The following DPYSL2 variants were observed in gnomAD, a reference collection of about 807,000 sequenced individuals.
The protein encoded by DPYSL2 is dihydropyrimidinase-related protein 2.
A neutral mutation model predicts 69.9 loss-of-function variants in DPYSL2; 13 were observed. The ratio of observed to expected loss-of-function variants is 0.19; its 90% CI spans 0.12 to 0.30. The LOEUF (loss-of-function observed/expected upper bound fraction) is 0.30, where lower values mean the gene tolerates loss of function less well. Among genes scored for constraint, DPYSL2 ranks in the 10% least tolerant of loss-of-function variants. DPYSL2 has a pLI of 1.00. For missense variants in DPYSL2, 587 were observed against 918.9 expected (o/e 0.64, Z 4.67); for synonymous variants, 326 against 359.1 (o/e 0.91, Z 1.04).
rs926386748 is a variant in DPYSL2, at chr8:26,614,674, A to C, written c.629-9469A>C. Among the ~76,000 whole-genome samples the C allele has an allele frequency of 1.3e-5, 2 of 152,206 alleles. No homozygotes were observed. Among genetic ancestry groups the C allele is most frequent in the African/African-American group, 4.8e-5 (2 of 41,444 alleles). On this transcript the variant is annotated intron_variant, in intron 3 of 13. Transcript: ENST00000521913. This position sits in a 1 kb window ranked among gnomAD's most constrained non-coding sequence, Gnocchi z 4.9. The stretch of plus-strand genomic sequence containing the variant: ...CTAGCAGGGCTTCTAGATGCTGAAC[A>C]ATGACCGATGGTGCCACTTGATTTA...
chr8:26,634,131 C>T (rs937531326), intron 7 of DPYSL2, among the ~76,000 whole-genome samples: 1 of 152,248 alleles, frequency 6.6e-6, no homozygotes, highest in Admixed American at 6.5e-5. Context: ...TGCTGGGTCC[C>T]GCCCTCAGAG....
chr8:26,636,244 C>T (rs1436048265), intron 8 of DPYSL2, among the ~76,000 whole-genome samples: 1 of 152,182 alleles, frequency 6.6e-6, no homozygotes, highest in Non-Finnish European at 1.5e-5. Context: ...TTGTGGATGA[C>T]GATGGAATCG....
chr8:26,584,014 C>T, intron 3 of DPYSL2, 31 bp downstream of exon 3: 1 of 1,587,746 alleles, frequency 6.3e-7, no homozygotes, highest in Non-Finnish European at 8.6e-7. Context: ...CATTGTAGTG[C>T]TTAGGAAGTG....
Position 26,553,760 on chromosome 8 carries a change from G to A in DPYSL2, c.355-28209G>A, listed in dbSNP as rs538376758. On this transcript the variant is annotated intron_variant, in intron 1 of 13. Transcript: ENST00000521913. ...TACCCAGTAGTGGGATTGCTGGGTC[G>A]AATGGTAGTTCTATTTTTAGTTCTT... 9.1e-4 allele frequency among the ~76,000 whole-genome samples: 139 copies of A among 152,100 alleles called. 1 individual carries two copies. The highest frequency in any genetic ancestry group is 3.2e-3 in the African/African-American group (133 of 41,470).
In DPYSL2 at chr8:26,653,369, C is replaced by T. The variant is rs1420397979; in HGVS notation, c.1914C>T (p.Asn638=). 1 of 1,613,950 alleles carries T rather than the reference C, an allele frequency of 6.2e-7. No homozygotes were observed. ...PAKQQAPPVR[N]LHQSGFSLSG... is the part of the protein sequence containing the mutation. Reference sequence around the variant, plus strand: ...AGCAGCAGGCCCCACCTGTCCGGAACCTGCACCAGTCTGGATTCAGTTTGT... The same window carrying T: ...AGCAGCAGGCCCCACCTGTCCGGAATCTGCACCAGTCTGGATTCAGTTTGT... Residue 638 remains asparagine (N), a synonymous_variant, in exon 13 of 14, where the codon AAC becomes AAT. Transcript: ENST00000521913. The surrounding 1 kb of genome is among the most constrained non-coding windows in gnomAD (Gnocchi z 5.7).
chr8:26,633,501 G>C (rs12546827), intron 7 of DPYSL2, among the ~76,000 whole-genome samples: 76,224 of 151,702 alleles, frequency 0.5, 20,291 homozygotes, highest in East Asian at 0.68. Context: ...GAAGTCTCTC[G>C]CTGTCACCCA....
intron 1 of DPYSL2, among the ~76,000 whole-genome samples, chr8:26,558,178 T>A (rs1322695362): frequency 6.6e-6 from 1 of 152,138 alleles, no homozygotes; most frequent in African/African-American, 2.4e-5. Flanking sequence ...TTGCAAGAAC[T>A]AGAAATCTAC....
rs760844958 is a variant in DPYSL2, at chr8:26,516,839, C to A, written c.354+2160C>A. Reference sequence around the variant, plus strand: ...AGATTTTGTCATTCACGACTAAGAGCATTTACCTGGATCAGTACTTGCAAT... The same window carrying A: ...AGATTTTGTCATTCACGACTAAGAGAATTTACCTGGATCAGTACTTGCAAT... On this transcript the variant is annotated intron_variant, in intron 1 of 13. Transcript: ENST00000521913. This position sits in a 1 kb window ranked among gnomAD's most constrained non-coding sequence, Gnocchi z 4.8. Among the ~76,000 whole-genome samples the A allele has an allele frequency of 6.6e-6, 1 of 152,142 alleles. No individual in the cohort carries two copies. The highest frequency in any genetic ancestry group is 1.9e-4 in the East Asian group (1 of 5,194).
intron 8 of DPYSL2, 71 bp downstream of exon 8, chr8:26,634,971 G>A: frequency 6.3e-7 from 1 of 1,590,412 alleles, no homozygotes; most frequent in South Asian, 1.1e-5. Flanking sequence ...CCTCACTAGG[G>A]AGGGCTCCTT....
chr8:26,574,547 A>G (rs1214058832), intron 1 of DPYSL2, among the ~76,000 whole-genome samples: 1 of 152,172 alleles, frequency 6.6e-6, no homozygotes, highest in Non-Finnish European at 1.5e-5. Context: ...AAAGTATGGG[A>G]AAGTGGAGGT....
In DPYSL2 at chr8:26,582,582, A is replaced by G. The variant is rs1218000900; in HGVS notation, c.443+525A>G. ...TTAGGTTTTATTCTAAGTGGCAACT[A>G]GTGCAAATAAGACTGCCCTTGTGTT... On this transcript the variant is annotated intron_variant, in intron 2 of 13. Transcript: ENST00000521913. This position sits in a 1 kb window ranked among gnomAD's most constrained non-coding sequence, Gnocchi z 4.1. Among the ~76,000 whole-genome samples, 1 of 152,248 alleles carries G rather than the reference A, an allele frequency of 6.6e-6. No homozygotes were observed. Among genetic ancestry groups the G allele is most frequent in the Non-Finnish European group, 1.5e-5 (1 of 68,042 alleles).
At chr8:26,622,134 CTT>C (rs1802499470) in intron 3 of DPYSL2, among the ~76,000 whole-genome samples, 1 of 50,822 alleles carries the variant, frequency 2.0e-5, no homozygotes. Flanking sequence ...TCCTTCCTTC[CTT>C]CCTTCCTTCC....
At chr8:26,557,156 A>G (rs1801001549) in intron 1 of DPYSL2, among the ~76,000 whole-genome samples, 1 of 152,216 alleles carries the variant, frequency 6.6e-6, no homozygotes, top group Non-Finnish European at 1.5e-5. Context: ...TTTTAGATAC[A>G]ACACCAAAAG....
Position 26,627,919 on chromosome 8 carries a change from T to C in DPYSL2, c.984T>C (p.His328=), listed in dbSNP as rs1400246017. Residue 328 remains histidine, a synonymous_variant, in exon 7 of 14, where the codon CAT becomes CAC. Transcript: ENST00000521913. This position sits in a 1 kb window ranked among gnomAD's most constrained non-coding sequence, Gnocchi z 6.9. ...LDLGITGPEG[H]VLSRPEEVEA... ...TGGGCATCACGGGCCCCGAGGGACA[T>C]GTGCTGAGCCGACCTGAGGAGGTGA... The C allele has an allele frequency of 6.2e-7, 1 of 1,613,792 alleles. No homozygotes were observed. Among genetic ancestry groups the C allele is most frequent in the Non-Finnish European group, 8.5e-7 (1 of 1,179,998 alleles).
Position 26,609,099 on chromosome 8 carries a change from A to C in DPYSL2, c.629-15044A>C, listed in dbSNP as rs1802172119. Among the ~76,000 whole-genome samples the C allele has an allele frequency of 1.3e-5, 2 of 152,212 alleles. No homozygotes were observed. The highest frequency in any genetic ancestry group is 2.4e-5 in the African/African-American group (1 of 41,452). ...ATTTGCTGACGAGCACCCTGTGTACACGCTAGTTTTTATTTGAACGAGGTG... is the reference window on the plus strand; with the variant it reads ...ATTTGCTGACGAGCACCCTGTGTACCCGCTAGTTTTTATTTGAACGAGGTG... On this transcript the variant is annotated intron_variant, in intron 3 of 13. Coordinates refer to ENST00000521913, the MANE Select transcript of DPYSL2 (RefSeq NM_001197293.3). The surrounding 1 kb of genome is among the most constrained non-coding windows in gnomAD (Gnocchi z 6.5).
rs2117590092 is a variant in DPYSL2 at position 26,514,194 on chromosome 8, C to T, written c.-132C>T. 1 of 796,218 alleles carries T rather than the reference C, an allele frequency of 1.3e-6. No individual in the cohort carries two copies. Among genetic ancestry groups the T allele is most frequent in the South Asian group, 2.5e-5 (1 of 40,154 alleles). The allele number at this position is 796,218 out of a possible 1,614,324, so 49.3% of individuals were successfully genotyped here. On this transcript the variant is annotated 5_prime_UTR_variant, in exon 1 of 14. Coordinates refer to ENST00000521913, the MANE Select transcript of DPYSL2 (RefSeq NM_001197293.3). The surrounding 1 kb of genome is among the most constrained non-coding windows in gnomAD (Gnocchi z 8.4). ...CCGGCTCGCCAGCCCTCCTTCCTTT[C>T]TGTGCACCTTGCGGTGGGCGGCGAA...
At chr8:26,535,488 T>A (rs1450960292) in intron 1 of DPYSL2, among the ~76,000 whole-genome samples, 1 of 152,200 alleles carries the variant, frequency 6.6e-6, no homozygotes, top group Non-Finnish European at 1.5e-5. Context: ...TACTCTGATG[T>A]TTCATGACCT....
rs1170741998 is a variant in DPYSL2, at chr8:26,580,644, CTT to C, written c.355-1320_355-1319del. ...TTCCTTGCTCTCTAGTAGCTTATCTCTTTTTTAAAGATTTTCTATGATTTCCT... is the reference window on the plus strand; with the variant it reads ...TTCCTTGCTCTCTAGTAGCTTATCTCTTTTAAAGATTTTCTATGATTTCCT... On this transcript the variant is annotated intron_variant, in intron 1 of 13. Coordinates refer to ENST00000521913, the MANE Select transcript of DPYSL2 (RefSeq NM_001197293.3). The surrounding 1 kb of genome is among the most constrained non-coding windows in gnomAD (Gnocchi z 4.1). Among the ~76,000 whole-genome samples, 1 of 152,130 alleles carries C rather than the reference CTT, an allele frequency of 6.6e-6. No individual in the cohort carries two copies. Among genetic ancestry groups the C allele is most frequent in the Non-Finnish European group, 1.5e-5 (1 of 68,018 alleles).
At chr8:26,527,950 G>A (rs1426539405) in intron 1 of DPYSL2, among the ~76,000 whole-genome samples, 1 of 151,808 alleles carries the variant, frequency 6.6e-6, no homozygotes, top group Non-Finnish European at 1.5e-5. Flanking sequence ...TTACAGGCAC[G>A]CGACACAGCA....
Sources: allele counts gnomAD v4.1 joint callset (sites outside exome capture counted in the v4.1 genomes callset), GRCh38; gene constraint gnomAD v4.1.1; non-coding constraint Gnocchi (gnomAD v3.1); transcripts MANE v1.5; gene names NCBI Gene and HGNC (gene_info 2026-07-23, HGNC 2026-07-21).